The following CPED1 variants were observed in gnomAD, a reference collection of about 807,000 sequenced individuals.
CPED1 encodes cadherin-like and PC-esterase domain-containing protein 1.
CPED1 carries 114 observed loss-of-function variants against 128.2 expected under a neutral mutation model. The ratio of observed to expected loss-of-function variants is 0.89; its 90% CI spans 0.76 to 1.04. The LOEUF (loss-of-function observed/expected upper bound fraction) is 1.04. Among genes scored for constraint, CPED1 ranks in the 50% least tolerant of loss-of-function variants. The probability of loss-of-function intolerance (pLI) is 0.00; values close to 1 mark genes in which losing one functional copy is unlikely to be tolerated. For missense variants in CPED1, 1,211 were observed against 1,207.1 expected (o/e 1.00, Z -0.05); for synonymous variants, 462 against 426.7 (o/e 1.08, Z -1.02).
intron 18 of CPED1, among the ~76,000 whole-genome samples, chr7:121,246,901 T>C (rs527548159): frequency 6.6e-6 from 1 of 152,240 alleles, no homozygotes; most frequent in Non-Finnish European, 1.5e-5. Context: ...ACTCTCCTAG[T>C]TTGCAGGTGT....
intron 22 of CPED1, among the ~76,000 whole-genome samples, chr7:121,277,381 T>C (rs1482338197): frequency 6.6e-6 from 1 of 152,068 alleles, no homozygotes; most frequent in African/African-American, 2.4e-5. Flanking sequence ...CTGGTAGGGA[T>C]GAGAGATGGC....
intron 4 of CPED1, among the ~76,000 whole-genome samples, chr7:121,054,872 T>C (rs1793454049): frequency 6.6e-6 from 1 of 152,176 alleles, no homozygotes; most frequent in Non-Finnish European, 1.5e-5. Context: ...ACCGACTTAT[T>C]TTCTGTCCCT....
intron 12 of CPED1, among the ~76,000 whole-genome samples, chr7:121,131,482 C>T (rs1432913755): frequency 6.7e-6 from 1 of 150,174 alleles, no homozygotes; most frequent in Admixed American, 6.7e-5. Flanking sequence ...CCACAGGAAG[C>T]TGTTTCAAAG....
chr7:121,168,013 G>A (rs559006831), intron 16 of CPED1, among the ~76,000 whole-genome samples: 3 of 152,108 alleles, frequency 2.0e-5, no homozygotes, highest in South Asian at 2.1e-4. Flanking sequence ...GATTACAGGC[G>A]TGAGCCACCG....
chr7:121,251,909 A>G (rs574064511), intron 18 of CPED1, among the ~76,000 whole-genome samples: 269 of 151,860 alleles, frequency 1.8e-3, no homozygotes, highest in African/African-American at 6.1e-3. Flanking sequence ...TACAGATTCA[A>G]TGCCATCCCC....
At chr7:120,990,308 T>C (rs908419839) in intron 2 of CPED1, among the ~76,000 whole-genome samples, 3 of 152,138 alleles carry the variant, frequency 2.0e-5, no homozygotes, top group South Asian at 2.1e-4. Flanking sequence ...TCTCCAAAGT[T>C]TCATTTTGTA....
intron 22 of CPED1, among the ~76,000 whole-genome samples, chr7:121,287,278 GACAC>G (rs150391829): frequency 4.0e-5 from 6 of 151,102 alleles, no homozygotes; most frequent in East Asian, 3.9e-4. Flanking sequence ...CACAGACACA[GACAC>G]ACACACACAC....
At chr7:121,117,924 C>A (rs1479336151) in intron 7 of CPED1, among the ~76,000 whole-genome samples, 3 of 145,630 alleles carry the variant, frequency 2.1e-5, no homozygotes, top group Non-Finnish European at 1.5e-5. Flanking sequence ...AAACATTTGC[C>A]AAAAAAAAAA....
chr7:121,193,769 T>A (rs1050897836), intron 16 of CPED1, among the ~76,000 whole-genome samples: 5 of 151,956 alleles, frequency 3.3e-5, no homozygotes, highest in Non-Finnish European at 7.4e-5. Flanking sequence ...TGCCCAGGGT[T>A]AGTTGTAGTT....
intron 22 of CPED1, among the ~76,000 whole-genome samples, chr7:121,275,499 A>G (rs955870570): frequency 2.0e-5 from 3 of 152,186 alleles, no homozygotes; most frequent in Non-Finnish European, 4.4e-5. Flanking sequence ...TAAAACCTGG[A>G]AAGAATACAA....
chr7:121,106,679 G>GGA (rs1317258598), intron 7 of CPED1, among the ~76,000 whole-genome samples: 1 of 152,008 alleles, frequency 6.6e-6, no homozygotes, highest in East Asian at 1.9e-4. Context: ...GCTTCTCCCT[G>GGA]GAGCCATCAA....
chr7:121,026,173 T>C (rs998018460), intron 3 of CPED1, among the ~76,000 whole-genome samples: 3 of 152,142 alleles, frequency 2.0e-5, no homozygotes, highest in Non-Finnish European at 2.9e-5. Flanking sequence ...ATGACAGTGG[T>C]ATAACTGTCA....
At chr7:121,187,609 C>G (rs534918583) in intron 16 of CPED1, among the ~76,000 whole-genome samples, 1 of 152,094 alleles carries the variant, frequency 6.6e-6, no homozygotes, top group Non-Finnish European at 1.5e-5. Flanking sequence ...CTGCATCAAG[C>G]AGTTTAGCCA....
At chr7:121,138,153 C>A (rs530869224) in intron 14 of CPED1, among the ~76,000 whole-genome samples, 2 of 152,168 alleles carry the variant, frequency 1.3e-5, no homozygotes, top group African/African-American at 4.8e-5. Context: ...GTGGGATTAT[C>A]TTTAAGAGTC....
chr7:121,271,346 CT>C lies in CPED1; in HGVS notation c.2785del (p.Tyr929MetfsTer3). On this transcript the variant is annotated frameshift_variant, in exon 22 of 23. Transcript: ENST00000310396. LOFTEE classifies it high-confidence loss of function. ...TTCTGGATACTGCAAAAAAACATGG[CT>C]ATGAAGTAGTTGACACATTCACTAT... ...IILDTAKKHG[Y>X]EVVDTFTITM... 6.2e-7 allele frequency: 1 copy of C among 1,612,108 alleles called. No homozygotes were observed. Among genetic ancestry groups the C allele is most frequent in the Non-Finnish European group, 8.5e-7 (1 of 1,178,564 alleles).
chr7:121,101,686 G>T (rs1461136044), intron 7 of CPED1, among the ~76,000 whole-genome samples: 1 of 152,094 alleles, frequency 6.6e-6, no homozygotes, highest in Non-Finnish European at 1.5e-5. Context: ...ACCAGCATCT[G>T]CTTGGCTTCT....
intron 7 of CPED1, among the ~76,000 whole-genome samples, chr7:121,112,834 C>T (rs942643248): frequency 6.6e-6 from 1 of 152,026 alleles, no homozygotes; most frequent in South Asian, 2.1e-4. Context: ...CATTTTTTTG[C>T]AAACTGCCAC....
chr7:121,027,767 T>G (rs1792630349), intron 3 of CPED1, among the ~76,000 whole-genome samples: 1 of 148,488 alleles, frequency 6.7e-6, no homozygotes, highest in Non-Finnish European at 1.5e-5. Context: ...ATAATAATAA[T>G]AATAATAATA....
Position 120,989,747 on chromosome 7 carries a change from A to G in CPED1, c.126A>G (p.Thr42=), listed in dbSNP as rs1437875575. 1.2e-6 allele frequency: 2 copies of G among 1,613,828 alleles called. No individual in the cohort carries two copies. Among genetic ancestry groups the G allele is most frequent in the African/African-American group, 2.7e-5 (2 of 74,836 alleles). ...CCCTCCGAGGGTCGAGGAAGCTCAC[A>G]GCCGCTGCCCCTGGGGCTGTCCCAC... The part of the protein sequence containing the change: ...TLTLRGSRKL[T]AAAPGAVPHT... The change falls in exon 2 of 23, where the codon ACA becomes ACG. Residue 42 remains threonine, a synonymous_variant. Coordinates refer to ENST00000310396, the MANE Select transcript of CPED1 (RefSeq NM_024913.5).
Sources: allele counts gnomAD v4.1 joint callset (sites outside exome capture counted in the v4.1 genomes callset), GRCh38; gene constraint gnomAD v4.1.1; transcripts MANE v1.5; gene names NCBI Gene and HGNC (gene_info 2026-07-23, HGNC 2026-07-21).